SNX29: variants seen among roughly 807,000 people sequenced by gnomAD.
SNX29 encodes the protein sorting nexin-29.
Under a neutral mutation model 102.1 loss-of-function variants are expected in SNX29, and 78 were observed. The observed-to-expected ratio is 0.76, with a 90% CI of 0.64 to 0.92. The LOEUF is 0.92. Ranked by LOEUF, SNX29 falls within the 40% of genes least tolerant of loss-of-function variation. The pLI is 0.00. For synonymous variants in SNX29, 580 were observed against 414.5 expected (o/e 1.40, Z -4.85); for missense variants, 1,280 against 1,061.7 (o/e 1.21, Z -2.86).
chr16:12,035,787 G>A (rs2057456658), intron 4 of SNX29, among the ~76,000 whole-genome samples: 1 of 151,926 alleles, frequency 6.6e-6, no homozygotes, highest in African/African-American at 2.4e-5. Context: ...TCTCGGTGAG[G>A]GATTAAGCCA....
intron 20 of SNX29, among the ~76,000 whole-genome samples, chr16:12,553,364 T>A (rs867520339): frequency 2.0e-5 from 3 of 152,184 alleles, no homozygotes; most frequent in Admixed American, 6.5e-5. Flanking sequence ...TCTCAGAGCT[T>A]GCCAGACATG....
intron 18 of SNX29, among the ~76,000 whole-genome samples, chr16:12,437,289 C>A (rs906433202): frequency 6.6e-6 from 1 of 152,086 alleles, no homozygotes; most frequent in African/African-American, 2.4e-5. Flanking sequence ...TTCTCTCTTT[C>A]ACCTGAGTCC....
At chr16:12,013,754 C>T (rs1162272961) in intron 3 of SNX29, among the ~76,000 whole-genome samples, 1 of 151,160 alleles carries the variant, frequency 6.6e-6, no homozygotes, top group Non-Finnish European at 1.5e-5. Flanking sequence ...AAGTGATTCT[C>T]CTGTCTCAGC....
At chr16:12,071,651 C>T (rs142629085) in intron 10 of SNX29, among the ~76,000 whole-genome samples, 4,962 of 152,196 alleles carry the variant, frequency 0.033, 98 homozygotes, top group African/African-American at 0.05. Flanking sequence ...CTTGGCAATG[C>T]GGCCTCTTTT....
intron 8 of SNX29, among the ~76,000 whole-genome samples, chr16:12,061,222 T>A (rs2050760495): frequency 6.6e-6 from 1 of 152,212 alleles, no homozygotes; most frequent in African/African-American, 2.4e-5. Flanking sequence ...TGGTTCATGT[T>A]CATGCCCCCC....
chr16:12,508,794 G>T (rs746902411), intron 19 of SNX29, among the ~76,000 whole-genome samples: 26 of 152,138 alleles, frequency 1.7e-4, no homozygotes, highest in Non-Finnish European at 3.1e-4. Flanking sequence ...CTCCTGGCTG[G>T]CTCTGAAGGG....
At chr16:12,041,617 G>A (rs55700112) in intron 4 of SNX29, among the ~76,000 whole-genome samples, 3,142 of 152,262 alleles carry the variant, frequency 0.021, 54 homozygotes, top group Middle Eastern at 0.062. Flanking sequence ...TCTGCTCGCT[G>A]CCCACCTTCC....
Position 12,570,967 on chromosome 16 carries a change from C to T in SNX29, c.*2338C>T, listed in dbSNP as rs527522538. On this transcript the variant is annotated 3_prime_UTR_variant, in exon 21 of 21. Transcript: ENST00000566228. The stretch of plus-strand genomic sequence containing the variant: ...CATGGGGACCATCCCCAGCTGCCTG[C>T]TCCTGGTACCTCCCCCATGATCATG... 6 of 232,142 alleles carry T rather than the reference C, an allele frequency of 2.6e-5. No individual in the cohort carries two copies. The highest frequency in any genetic ancestry group is 5.6e-5 in the Admixed American group (1 of 17,740). The allele number at this position is 232,142 out of a possible 1,614,324, so 14.4% of individuals were successfully genotyped here.
intron 18 of SNX29, among the ~76,000 whole-genome samples, chr16:12,427,928 C>T (rs1372362863): frequency 1.3e-5 from 2 of 152,212 alleles, no homozygotes; most frequent in Non-Finnish European, 2.9e-5. Flanking sequence ...TCCAATTTAG[C>T]AGTTACCCGA....
intron 19 of SNX29, among the ~76,000 whole-genome samples, chr16:12,491,861 A>G (rs2088565496): frequency 6.6e-6 from 1 of 152,206 alleles, no homozygotes; most frequent in Admixed American, 6.5e-5. Flanking sequence ...ACACGAACTC[A>G]TCATTTTTTA....
intron 18 of SNX29, among the ~76,000 whole-genome samples, chr16:12,440,087 C>T (rs1030401911): frequency 2.0e-5 from 3 of 152,134 alleles, no homozygotes; most frequent in Admixed American, 1.3e-4. Context: ...CGGATTGACT[C>T]GAGACTGAAA....
chr16:12,498,337 G>A (rs1399584513), intron 19 of SNX29, among the ~76,000 whole-genome samples: 2 of 152,158 alleles, frequency 1.3e-5, no homozygotes, highest in African/African-American at 4.8e-5. Context: ...GCTTAGCTAA[G>A]GAGTTTGGAA....
intron 13 of SNX29, among the ~76,000 whole-genome samples, chr16:12,160,592 T>C (rs183729824): frequency 6.6e-6 from 1 of 152,246 alleles, no homozygotes; most frequent in African/African-American, 2.4e-5. Context: ...TGCTAATGGA[T>C]ATAGGTTTTC....
chr16:12,343,644 G>A (rs1192349455), intron 15 of SNX29, among the ~76,000 whole-genome samples: 1 of 151,996 alleles, frequency 6.6e-6, no homozygotes, highest in African/African-American at 2.4e-5. Context: ...TCTTCCTGCT[G>A]TGCCACTGGC....
chr16:12,471,462 T>C (rs1030919739), intron 18 of SNX29, among the ~76,000 whole-genome samples: 1 of 152,230 alleles, frequency 6.6e-6, no homozygotes, highest in Non-Finnish European at 1.5e-5. Flanking sequence ...CTAGGATCAC[T>C]TGGCTGGCAA....
In SNX29 at chr16:12,104,526, A is replaced by C. The variant is rs1005680578; in HGVS notation, c.1403-22107A>C. 1.9e-4 allele frequency among the ~76,000 whole-genome samples: 29 copies of C among 152,228 alleles called. 1 individual carries two copies. The highest frequency in any genetic ancestry group is 1.1e-3 in the Admixed American group (17 of 15,286). On this transcript the variant is annotated intron_variant, in intron 11 of 20. Coordinates refer to ENST00000566228, the MANE Select transcript of SNX29 (RefSeq NM_032167.5). ...AGCTGAGATTGCACCACTGCACTCC[A>C]GCCTGGGTGACAGAGCGAGACTCCA...
chr16:12,228,181 G>A (rs530783390), intron 14 of SNX29, among the ~76,000 whole-genome samples: 3 of 152,358 alleles, frequency 2.0e-5, no homozygotes, highest in African/African-American at 7.2e-5. Flanking sequence ...CAGCCGAGCT[G>A]TAGACACATT....
At chr16:12,493,551 G>A (rs2088657711) in intron 19 of SNX29, among the ~76,000 whole-genome samples, 1 of 152,106 alleles carries the variant, frequency 6.6e-6, no homozygotes, top group South Asian at 2.1e-4. Context: ...TGATTGCCCT[G>A]GCCAGAACTT....
intron 18 of SNX29, among the ~76,000 whole-genome samples, chr16:12,457,758 G>A (rs2086602210): frequency 6.6e-6 from 1 of 152,160 alleles, no homozygotes; most frequent in Non-Finnish European, 1.5e-5. Flanking sequence ...TTGTATGTGA[G>A]GAAATTTTAA....
Sources: gnomAD v4.1 joint callset for allele counts (sites outside exome capture counted in the v4.1 genomes callset) on GRCh38, gnomAD v4.1.1 for gene constraint, MANE v1.5 for transcripts, NCBI Gene and HGNC (gene_info 2026-07-23, HGNC 2026-07-21) for gene names.